The following RBFOX1 variants were observed in gnomAD, a reference collection of about 807,000 sequenced individuals.
The protein encoded by RBFOX1 is RNA binding protein fox-1 homolog 1.
A neutral mutation model predicts 57.7 loss-of-function variants in RBFOX1; 8 were observed. The ratio of observed to expected loss-of-function variants is 0.14; its 90% confidence interval spans 0.08 to 0.25. The LOEUF (loss-of-function observed/expected upper bound fraction) is 0.25, where lower values mean the gene tolerates loss of function less well. RBFOX1 is among the 10% of genes least tolerant of loss of function. The pLI is 1.00. For missense variants in RBFOX1, 611 were observed against 548.5 expected (o/e 1.11, Z -1.14); for synonymous variants, 326 against 222.4 (o/e 1.47, Z -4.15).
intron 4 of RBFOX1, among the ~76,000 whole-genome samples, chr16:5,958,802 C>T (rs944828898): frequency 6.6e-6 from 1 of 152,322 alleles, no homozygotes; most frequent in Non-Finnish European, 1.5e-5. Flanking sequence ...CTGGTAGCCA[C>T]ATCACGCTAA....
intron 3 of RBFOX1, among the ~76,000 whole-genome samples, chr16:6,817,994 G>A (rs1332707372): frequency 6.6e-6 from 1 of 152,146 alleles, no homozygotes; most frequent in Non-Finnish European, 1.5e-5. Flanking sequence ...CCATCCTCAA[G>A]CTAAATGAGC....
intron 14 of RBFOX1, among the ~76,000 whole-genome samples, chr16:7,686,286 T>A (rs1475882744): frequency 2.6e-5 from 4 of 152,064 alleles, no homozygotes; most frequent in Admixed American, 6.6e-5. Flanking sequence ...AATCTTGACT[T>A]CTACCCTAGA....
intron 1 of RBFOX1, among the ~76,000 whole-genome samples, chr16:6,300,608 T>G (rs985908365): frequency 2.6e-5 from 4 of 152,224 alleles, no homozygotes; most frequent in African/African-American, 9.6e-5. Flanking sequence ...TCATCTAGTT[T>G]CATCTTTCCA....
At chr16:6,055,187 A>C (rs2152444792) in intron 1 of RBFOX1, among the ~76,000 whole-genome samples, 1 of 152,250 alleles carries the variant, frequency 6.6e-6, no homozygotes. Flanking sequence ...TTGCTGTCCA[A>C]CGGAATTATT....
At chr16:5,433,678 A>G (rs559612965) in intron 1 of RBFOX1, among the ~76,000 whole-genome samples, 11 of 152,332 alleles carry the variant, frequency 7.2e-5, no homozygotes, top group African/African-American at 2.6e-4. Context: ...CGCAATTACA[A>G]CGAATAAATG....
At chr16:6,139,099 G>T (rs1303102914) in intron 1 of RBFOX1, among the ~76,000 whole-genome samples, 1 of 152,104 alleles carries the variant, frequency 6.6e-6, no homozygotes, top group Non-Finnish European at 1.5e-5. Context: ...ATTGATAGCA[G>T]TTCTATAGAG....
intron 1 of RBFOX1, among the ~76,000 whole-genome samples, chr16:6,257,059 AT>A (rs2152615482): frequency 6.6e-6 from 1 of 152,238 alleles, no homozygotes; most frequent in Non-Finnish European, 1.5e-5. Context: ...CACAGGGGTC[AT>A]TTTTTGATGT....
chr16:6,809,434 T>C (rs1283321956), intron 3 of RBFOX1, among the ~76,000 whole-genome samples: 4 of 152,174 alleles, frequency 2.6e-5, no homozygotes, highest in South Asian at 2.1e-4. Flanking sequence ...GATATACACA[T>C]AGATGTATTG....
At chr16:7,558,357 A>G (rs1289377365) in intron 5 of RBFOX1, among the ~76,000 whole-genome samples, 3 of 151,986 alleles carry the variant, frequency 2.0e-5, no homozygotes, top group Non-Finnish European at 4.4e-5. Context: ...CTGTCTCAAA[A>G]TAAGACATAC....
At chr16:6,313,597 A>G (rs975161097) in intron 1 of RBFOX1, among the ~76,000 whole-genome samples, 5 of 152,174 alleles carry the variant, frequency 3.3e-5, no homozygotes, top group African/African-American at 4.8e-5. Context: ...ATTTGGATGG[A>G]GTGCATAGGT....
chr16:5,467,343 A>T, intron 2 of RBFOX1: 1 of 1,267,808 alleles, frequency 7.9e-7, no homozygotes, highest in Non-Finnish European at 1.1e-6. Flanking sequence ...CAGCCCTGCA[A>T]CTTCACTGCC....
chr16:7,540,387 T>G (rs2082604871), intron 5 of RBFOX1, among the ~76,000 whole-genome samples: 1 of 152,180 alleles, frequency 6.6e-6, no homozygotes, highest in South Asian at 2.1e-4. Context: ...TGACTTCACA[T>G]CCAGGCTCCC....
chr16:7,430,277 T>C (rs927100109), intron 4 of RBFOX1, among the ~76,000 whole-genome samples: 1 of 152,226 alleles, frequency 6.6e-6, no homozygotes, highest in Non-Finnish European at 1.5e-5. Context: ...TGTTTTGTTG[T>C]GGTGGTGGTT....
intron 2 of RBFOX1, among the ~76,000 whole-genome samples, chr16:6,320,477 C>G (rs371607284): frequency 1.4e-3 from 210 of 151,880 alleles, no homozygotes; most frequent in African/African-American, 4.9e-3. Context: ...ACCTGTACCC[C>G]TAAAAGTATT....
chr16:5,640,582 C>G (rs1436753856), intron 3 of RBFOX1, among the ~76,000 whole-genome samples: 1 of 151,358 alleles, frequency 6.6e-6, no homozygotes, highest in Non-Finnish European at 1.5e-5. Flanking sequence ...CACACATACA[C>G]AGATGCACAC....
At chr16:5,428,912 A>G (rs1048503747) in intron 1 of RBFOX1, among the ~76,000 whole-genome samples, 1 of 152,098 alleles carries the variant, frequency 6.6e-6, no homozygotes, top group East Asian at 1.9e-4. Context: ...TTTACTCAGT[A>G]AGGTATAAGG....
intron 5 of RBFOX1, among the ~76,000 whole-genome samples, chr16:7,542,898 T>C (rs970719456): frequency 6.6e-6 from 1 of 151,388 alleles, no homozygotes; most frequent in African/African-American, 2.4e-5. Flanking sequence ...CACATAATTG[T>C]TGTCTTCCTA....
chr16:5,778,632 T>G (rs141646595), intron 3 of RBFOX1, among the ~76,000 whole-genome samples: 1 of 152,198 alleles, frequency 6.6e-6, no homozygotes, highest in African/African-American at 2.4e-5. Context: ...GTTTGACTCA[T>G]GGATCCGTTG....
chr16:6,811,101 T>C (rs1406890435), intron 3 of RBFOX1, among the ~76,000 whole-genome samples: 5 of 152,198 alleles, frequency 3.3e-5, no homozygotes, highest in African/African-American at 9.6e-5. Context: ...GTGGCTGAGA[T>C]ACCTTGATAG....
Sources: gnomAD v4.1 joint callset for allele counts (sites outside exome capture counted in the v4.1 genomes callset) on GRCh38, gnomAD v4.1.1 for gene constraint, MANE v1.5 for transcripts, NCBI Gene and HGNC (gene_info 2026-07-23, HGNC 2026-07-21) for gene names.